ESYT2: variants seen among roughly 807,000 people sequenced by gnomAD.
ESYT2 encodes the protein extended synaptotagmin 2, also known as extended synaptotagmin-2.
ESYT2 carries 54 observed loss-of-function variants against 107.2 expected under a neutral mutation model. The ratio of observed to expected loss-of-function variants is 0.50; its 90% CI spans 0.40 to 0.63. The LOEUF is 0.63. Ranked by LOEUF, ESYT2 falls within the 30% of genes least tolerant of loss-of-function variation. ESYT2 has a pLI of 0.00. For synonymous variants in ESYT2, 491 were observed against 434.1 expected (o/e 1.13, Z -1.63); for missense variants, 1,020 against 1,094.5 (o/e 0.93, Z 0.96).
At chr7:158,795,439 C>A (rs576252612) in intron 3 of ESYT2, among the ~76,000 whole-genome samples, 27 of 152,312 alleles carry the variant, frequency 1.8e-4, no homozygotes, top group African/African-American at 6.3e-4. Context: ...TATCCACAAA[C>A]ACGAACATGC....
intron 10 of ESYT2, among the ~76,000 whole-genome samples, chr7:158,762,059 G>A (rs994842869): frequency 1.3e-5 from 2 of 151,792 alleles, no homozygotes; most frequent in African/African-American, 2.4e-5. Context: ...ATGCTGCATT[G>A]AGCCCGATGG....
intron 1 of ESYT2, among the ~76,000 whole-genome samples, chr7:158,800,862 G>A (rs1314187255): frequency 6.6e-6 from 1 of 152,096 alleles, no homozygotes; most frequent in African/African-American, 2.4e-5. Context: ...CCGAGAAGCT[G>A]GGATTACAGG....
At chr7:158,785,546 C>A (rs895150818) in intron 6 of ESYT2, among the ~76,000 whole-genome samples, 2 of 152,148 alleles carry the variant, frequency 1.3e-5, no homozygotes, top group African/African-American at 4.8e-5. Flanking sequence ...AGACTACTAT[C>A]TGTTAGGTAT....
At chr7:158,779,997 T>C (rs977086927) in intron 6 of ESYT2, among the ~76,000 whole-genome samples, 2 of 152,214 alleles carry the variant, frequency 1.3e-5, no homozygotes, top group Non-Finnish European at 2.9e-5. Flanking sequence ...CCCCCATTAT[T>C]GTGACACCCT....
chr7:158,734,350 C>CA, intron 22 of ESYT2, 72 bp downstream of exon 22: 1 of 1,608,250 alleles, frequency 6.2e-7, no homozygotes, highest in Non-Finnish European at 8.5e-7. Flanking sequence ...CTGTGGGGGA[C>CA]ACTACCCACT....
rs540651767 is a variant in ESYT2 at position 158,820,026 on chromosome 7, G to A, written c.330+9063C>T. On this transcript the variant is annotated intron_variant, in intron 1 of 22. Transcript: ENST00000275418. ...CTGCTGCTGCAATACACAAGTGCACGTGGGATGTGCTTCTTACTTTGTACT... is the reference window on the plus strand; with the variant it reads ...CTGCTGCTGCAATACACAAGTGCACATGGGATGTGCTTCTTACTTTGTACT... 2.6e-5 allele frequency among the ~76,000 whole-genome samples: 4 copies of A among 152,336 alleles called. No individual in the cohort carries two copies. The East Asian group carries it at 7.7e-4, about 29-fold the overall frequency.
intron 1 of ESYT2, among the ~76,000 whole-genome samples, chr7:158,806,609 C>T (rs1185699578): frequency 6.6e-6 from 1 of 152,198 alleles, no homozygotes; most frequent in Non-Finnish European, 1.5e-5. Flanking sequence ...CATATAAACA[C>T]GTCCGTGAAG....
intron 7 of ESYT2, among the ~76,000 whole-genome samples, chr7:158,771,585 G>A (rs1459138164): frequency 6.6e-6 from 1 of 152,216 alleles, no homozygotes; most frequent in Admixed American, 6.5e-5. Context: ...CACAGCAAGA[G>A]ACTGCCTGAA....
At chr7:158,800,015 C>T (rs1297869682) in intron 1 of ESYT2, among the ~76,000 whole-genome samples, 2 of 151,960 alleles carry the variant, frequency 1.3e-5, no homozygotes, top group South Asian at 2.1e-4. Context: ...TACACATTTG[C>T]ATATGCGTAT....
Position 158,775,038 on chromosome 7 carries a change from C to T in ESYT2, c.748-1642G>A, listed in dbSNP as rs74937124. On this transcript the variant is annotated intron_variant, in intron 6 of 22. Transcript: ENST00000275418. The stretch of plus-strand genomic sequence containing the variant: ...GAATTTTTCCTATACAGGCATGCCT[C>T]GGAGATATTGTGGGCTGGGTTCTAG... Among the ~76,000 whole-genome samples, 387 of 152,190 alleles carry T rather than the reference C, an allele frequency of 2.5e-3. 9 individuals are homozygous for T. In the East Asian group the frequency reaches 0.066, roughly 26 times the overall value.
In ESYT2 at chr7:158,741,526, T is replaced by C. The variant is rs753010070; in HGVS notation, c.2165A>G (p.Glu722Gly). Residue 722 changes from glutamate (E) to glycine (G), a missense_variant, in exon 18 of 23, where the codon GAA (glutamate) becomes GGA (glycine). By Grantham distance (98) the Glu-to-Gly change is moderately conservative. Transcript: ENST00000275418. ...QELRQRLRQL[E>G]NGTTLGQSPL... is the part of the protein sequence containing the mutation. ...CAACATGGTGGCACTTAGTTACTTT[T>C]CCAGCTGCCTCAGCCTTTGCCGCAG... The C allele has an allele frequency of 5.7e-6, 9 of 1,568,760 alleles. No individual in the cohort carries two copies. Among genetic ancestry groups the C allele is most frequent in the East Asian group, 2.2e-5 (1 of 44,498 alleles).
chr7:158,828,783 CT>C (rs1162921237), intron 1 of ESYT2, among the ~76,000 whole-genome samples: 11 of 151,490 alleles, frequency 7.3e-5, no homozygotes, highest in South Asian at 2.1e-4. Context: ...TGCACTCGCC[CT>C]AGCGGGCAGG....
intron 6 of ESYT2, among the ~76,000 whole-genome samples, chr7:158,784,847 C>T (rs1193300804): frequency 6.6e-6 from 1 of 152,118 alleles, no homozygotes; most frequent in Non-Finnish European, 1.5e-5. Flanking sequence ...TACCAGCAGC[C>T]AGCACCTCCG....
rs951981838 is a variant in ESYT2, at chr7:158,732,639, C to A, written c.*1568G>T. 11 of 152,478 alleles carry A rather than the reference C, an allele frequency of 7.2e-5. No homozygotes were observed. Among genetic ancestry groups the A allele is most frequent in the African/African-American group, 2.2e-4 (9 of 41,402 alleles). The allele number at this position is 152,478 out of a possible 1,614,324, so 9.4% of individuals were successfully genotyped here. A position where few individuals can be genotyped will look rare whatever the true frequency, so the allele number is the denominator to read the frequency against. On this transcript the variant is annotated 3_prime_UTR_variant, in exon 23 of 23. Transcript: ENST00000275418. ...CACCAGCCTTGTTTATAAATTCAAA[C>A]AAAATAAGAATCTGCTAGAAGGGAG...
At chr7:158,767,349 T>A (rs1838198030) in intron 8 of ESYT2, among the ~76,000 whole-genome samples, 1 of 152,228 alleles carries the variant, frequency 6.6e-6, no homozygotes. Flanking sequence ...GTATGTGCTT[T>A]CTGAGGTAAC....
chr7:158,825,841 C>T (rs1280218426), intron 1 of ESYT2, among the ~76,000 whole-genome samples: 3 of 152,026 alleles, frequency 2.0e-5, no homozygotes, highest in African/African-American at 7.3e-5. Context: ...AATACCAGTC[C>T]AAAGTTCAGA....
chr7:158,785,801 T>C (rs1458742378), intron 6 of ESYT2, among the ~76,000 whole-genome samples: 1 of 152,188 alleles, frequency 6.6e-6, no homozygotes. Flanking sequence ...ACCTCAGCAA[T>C]ATTTAGGGTT....
intron 18 of ESYT2, among the ~76,000 whole-genome samples, chr7:158,739,329 C>A (rs758214073): frequency 1.3e-5 from 2 of 152,104 alleles, no homozygotes; most frequent in African/African-American, 4.8e-5. Context: ...ATTAATTATT[C>A]AAAACTGACA....
chr7:158,743,094 G>C lies in ESYT2; in HGVS notation c.1794+435C>G, dbSNP rs552704634. 1.0e-3 allele frequency among the ~76,000 whole-genome samples: 158 copies of C among 152,112 alleles called. 1 individual carries two copies. The South Asian group carries it at 0.016, about 15-fold the overall frequency. On this transcript the variant is annotated intron_variant, in intron 17 of 22. Transcript: ENST00000275418. ...CTATTTACAAATGAATCGTGATTTT[G>C]GACAAAAAATATTTTTTTCCTGTAA...
Sources: gnomAD v4.1 joint callset for allele counts (sites outside exome capture counted in the v4.1 genomes callset) on GRCh38, gnomAD v4.1.1 for gene constraint, MANE v1.5 for transcripts, NCBI Gene and HGNC (gene_info 2026-07-23, HGNC 2026-07-21) for gene names.